Variants in FAM24B observed in about 807,000 individuals in gnomAD.
The protein encoded by FAM24B is protein FAM24B.
FAM24B carries 3 observed loss-of-function variants against 2.3 expected under a neutral mutation model. The observed-to-expected ratio is 1.29, with a 90% CI of 0.59 to 3.32. The LOEUF is 3.32. FAM24B is among the 30% of genes most tolerant of loss of function. The probability of loss-of-function intolerance (pLI) is 0.03; values close to 1 mark genes in which losing one functional copy is unlikely to be tolerated. For missense variants in FAM24B, 98 were observed against 117.2 expected, an observed-to-expected ratio of 0.84 and a Z score of 0.76; for synonymous variants, 36 against 46.3, an observed-to-expected ratio of 0.78 and a Z score of 0.90.
At chr10:122,877,621 GCTCCT>G in intron 1 of FAM24B, among the ~76,000 whole-genome samples, 1 of 152,130 alleles carries the variant, frequency 6.6e-6, no homozygotes, top group East Asian at 1.9e-4. Context: ...CAGGACCCAG[GCTCCT>G]CTCCTCCTGC....
chr10:122,877,225 C>T (rs757450734), intron 1 of FAM24B, among the ~76,000 whole-genome samples: 26 of 152,212 alleles, frequency 1.7e-4, no homozygotes, highest in Admixed American at 3.9e-4. Context: ...CTGAAGGGTT[C>T]TTCCTGCCTG....
At chr10:122,859,613 C>T (rs1259614996) in intron 1 of FAM24B, among the ~76,000 whole-genome samples, 1 of 152,196 alleles carries the variant, frequency 6.6e-6, no homozygotes, top group East Asian at 1.9e-4. Context: ...CCCTTACATA[C>T]TCTTGTACCA....
chr10:122,849,758 G>A (rs1008285989), intron 3 of FAM24B, among the ~76,000 whole-genome samples: 10 of 151,890 alleles, frequency 6.6e-5, no homozygotes, highest in African/African-American at 2.4e-4. Context: ...CAGGCTCCGG[G>A]ATGTGCCATT....
At chr10:122,860,256 G>C (rs1380788429) in intron 1 of FAM24B, among the ~76,000 whole-genome samples, 1 of 152,040 alleles carries the variant, frequency 6.6e-6, no homozygotes, top group African/African-American at 2.4e-5. Context: ...CTTTTGTTTT[G>C]GGTTTGCAGA....
chr10:122,873,829 C>A (rs1847937952), intron 1 of FAM24B, among the ~76,000 whole-genome samples: 1 of 152,178 alleles, frequency 6.6e-6, no homozygotes, highest in African/African-American at 2.4e-5. Context: ...TTTTCACTTT[C>A]ATTTAGTTTG....
chr10:122,868,119 C>T (rs978846405), intron 1 of FAM24B, among the ~76,000 whole-genome samples: 4 of 152,156 alleles, frequency 2.6e-5, no homozygotes, highest in African/African-American at 9.7e-5. Context: ...AGATGAAAAC[C>T]ATGGCACGAG....
chr10:122,872,268 G>T (rs1445046827), intron 1 of FAM24B, among the ~76,000 whole-genome samples: 4 of 152,106 alleles, frequency 2.6e-5, no homozygotes, highest in Admixed American at 2.0e-4. Context: ...ATGGCAATCA[G>T]TAAAAAGTCA....
chr10:122,865,368 A>G (rs146538758), intron 1 of FAM24B, among the ~76,000 whole-genome samples: 1 of 152,280 alleles, frequency 6.6e-6, no homozygotes, highest in East Asian at 1.9e-4. Flanking sequence ...ATCTATTGAT[A>G]TGATTTTTAT....
chr10:122,868,555 G>A (rs532825679), intron 1 of FAM24B, among the ~76,000 whole-genome samples: 5 of 152,184 alleles, frequency 3.3e-5, no homozygotes, highest in Admixed American at 2.0e-4. Context: ...TACCCACAAA[G>A]GGAAGCCCAT....
chr10:122,852,551 C>T (rs1181787561), intron 2 of FAM24B, among the ~76,000 whole-genome samples: 4 of 152,074 alleles, frequency 2.6e-5, no homozygotes, highest in Non-Finnish European at 4.4e-5. Context: ...ATTACCACTG[C>T]GAGATAATAA....
chr10:122,866,705 T>C (rs1318412650), intron 1 of FAM24B, among the ~76,000 whole-genome samples: 1 of 152,158 alleles, frequency 6.6e-6, no homozygotes, highest in African/African-American at 2.4e-5. Flanking sequence ...CCCTATAACA[T>C]GGCAGACTTA....
chr10:122,859,149 T>C (rs78087181), intron 1 of FAM24B, among the ~76,000 whole-genome samples: 2,268 of 152,230 alleles, frequency 0.015, 53 homozygotes, highest in African/African-American at 0.046. Flanking sequence ...TTGATTCAGA[T>C]GGTTTAGTAC....
chr10:122,878,292 G>A (rs1361623492), intron 1 of FAM24B, among the ~76,000 whole-genome samples: 1 of 152,164 alleles, frequency 6.6e-6, no homozygotes, highest in African/African-American at 2.4e-5. Context: ...CAGCACTTTT[G>A]GGAGCCGAGG....
chr10:122,866,395 T>C (rs1383951717), intron 1 of FAM24B, among the ~76,000 whole-genome samples: 1 of 151,930 alleles, frequency 6.6e-6, no homozygotes, highest in East Asian at 1.9e-4. Context: ...TTTTATTACG[T>C]CTTCTCTTCT....
chr10:122,867,634 A>G lies in FAM24B; in HGVS notation c.-177-11848T>C, dbSNP rs374466667. Among the ~76,000 whole-genome samples the G allele has an allele frequency of 1.1e-4, 16 of 152,348 alleles. No individual in the cohort carries two copies. In the East Asian group the frequency reaches 2.9e-3, roughly 28 times the overall value. On this transcript the variant is annotated intron_variant, in intron 1 of 3. Transcript: ENST00000368898. ...CAGGCAGCAGCATTTGCGGTTCACC[A>G]ATATCCGCTGTTCTGCAGCCACCGC...
At chr10:122,859,991 T>C (rs1847702568) in intron 1 of FAM24B, among the ~76,000 whole-genome samples, 1 of 152,154 alleles carries the variant, frequency 6.6e-6, no homozygotes, top group South Asian at 2.1e-4. Flanking sequence ...TCCCGGCAGC[T>C]TGTATTTTGT....
chr10:122,854,868 G>A (rs542367994), intron 2 of FAM24B, among the ~76,000 whole-genome samples: 2 of 152,226 alleles, frequency 1.3e-5, no homozygotes, highest in African/African-American at 2.4e-5. Context: ...ACTAACACCT[G>A]TGACTAACCA....
intron 1 of FAM24B, among the ~76,000 whole-genome samples, chr10:122,870,880 C>T (rs1001908251): frequency 5.9e-5 from 9 of 152,264 alleles, no homozygotes; most frequent in African/African-American, 1.7e-4. Flanking sequence ...TGGCACAAGA[C>T]AGGGATGCCC....
intron 1 of FAM24B, among the ~76,000 whole-genome samples, chr10:122,876,589 G>A (rs2133844147): frequency 6.6e-6 from 1 of 152,296 alleles, no homozygotes; most frequent in South Asian, 2.1e-4. Context: ...CATCCAGCAA[G>A]TCATCAATGA....
Sources: allele counts gnomAD v4.1 joint callset (sites outside exome capture counted in the v4.1 genomes callset), GRCh38; gene constraint gnomAD v4.1.1; transcripts MANE v1.5; gene names NCBI Gene and HGNC (gene_info 2026-07-23, HGNC 2026-07-21).